The following DCAF6 variants were observed in gnomAD, a reference collection of about 807,000 sequenced individuals.
The protein encoded by DCAF6 is DDB1- and CUL4-associated factor 6.
Under a neutral mutation model 125.1 loss-of-function variants are expected in DCAF6, and 54 were observed. The observed-to-expected ratio is 0.43, with a 90% confidence interval of 0.35 to 0.54. The LOEUF (loss-of-function observed/expected upper bound fraction) is 0.54. Ranked by LOEUF, DCAF6 falls within the 20% of genes least tolerant of loss-of-function variation. The pLI is 0.01. For missense variants in DCAF6, 934 were observed against 1,161.7 expected (o/e 0.80, Z 2.85); for synonymous variants, 371 against 390.4 (o/e 0.95, Z 0.58).
the DCAF6 span, among the ~76,000 whole-genome samples, chr1:167,883,253 G>A: frequency 6.6e-6 from 1 of 152,190 alleles, no homozygotes; most frequent in African/African-American, 2.4e-5. Context: ...GGCCAGTCTG[G>A]TCTTGAACTC....
intron 13 of DCAF6, among the ~76,000 whole-genome samples, chr1:168,040,219 ACT>A: frequency 6.6e-6 from 1 of 152,032 alleles, no homozygotes; most frequent in East Asian, 1.9e-4. Flanking sequence ...CAGTACAAAG[ACT>A]CTGAAGCAGA....
the DCAF6 span, chr1:167,899,404 G>C: frequency 1.2e-6 from 2 of 1,613,244 alleles, no homozygotes. Context: ...CTTTCTGTAA[G>C]TAGCAGCATC....
At chr1:167,893,933 T>C in the DCAF6 span, 6 of 1,613,088 alleles carry the variant, frequency 3.7e-6, no homozygotes, top group Non-Finnish European at 5.1e-6. Flanking sequence ...CATGCAAGCC[T>C]CAGGAGGTCT....
the DCAF6 span, among the ~76,000 whole-genome samples, chr1:167,928,319 GAAAAAA>G: frequency 1.1e-5 from 1 of 91,500 alleles, no homozygotes; most frequent in Non-Finnish European, 2.3e-5. Context: ...CTGCACTCCA[GAAAAAA>G]AAAAAAAAAA....
intron 19 of DCAF6, 130 bp downstream of exon 19, chr1:168,065,876 C>A: frequency 1.3e-6 from 1 of 764,932 alleles, no homozygotes; most frequent in Non-Finnish European, 1.9e-6. Flanking sequence ...GCAGTAGAGT[C>A]AATTACAGCT....
At chr1:167,870,638 CA>C in the DCAF6 span, among the ~76,000 whole-genome samples, 91 of 93,736 alleles carry the variant, frequency 9.7e-4, no homozygotes, top group East Asian at 1.6e-3. Flanking sequence ...ACTGAAAATA[CA>C]AAAAAAAAAA....
intron 12 of DCAF6, among the ~76,000 whole-genome samples, chr1:168,028,111 T>G (rs941521245): frequency 6.6e-6 from 1 of 152,160 alleles, no homozygotes; most frequent in Non-Finnish European, 1.5e-5. Flanking sequence ...TGCATCTTGT[T>G]TAGTTTCAAC....
chr1:167,960,194 T>C (rs1675360697), intron 2 of DCAF6, among the ~76,000 whole-genome samples: 1 of 152,118 alleles, frequency 6.6e-6, no homozygotes, highest in Admixed American at 6.5e-5. Context: ...TGGGTCTGTT[T>C]CTGGGCTCTG....
intron 4 of DCAF6, among the ~76,000 whole-genome samples, chr1:167,978,980 A>G (rs924354076): frequency 3.9e-5 from 6 of 152,108 alleles, no homozygotes; most frequent in South Asian, 2.1e-4. Context: ...AATGTTGTCT[A>G]ATATGTTGGT....
chr1:168,074,083 A>C (rs1311019507), intron 21 of DCAF6, among the ~76,000 whole-genome samples: 1 of 151,698 alleles, frequency 6.6e-6, no homozygotes, highest in Non-Finnish European at 1.5e-5. Flanking sequence ...AAGGTTATAA[A>C]GGTTACACAT....
At chr1:167,932,267 T>C (rs1191497472), upstream of DCAF6, among the ~76,000 whole-genome samples, 1 of 152,124 alleles carries the variant, frequency 6.6e-6, no homozygotes, top group East Asian at 1.9e-4. Context: ...AAATCATTTA[T>C]ATATTTATAA....
At chr1:167,924,602 G>T in the DCAF6 span, 2 of 1,173,678 alleles carry the variant, frequency 1.7e-6, no homozygotes, top group East Asian at 2.7e-5. Context: ...TCTTTTAACA[G>T]CTGTCACCAA....
chr1:167,898,107 T>C, the DCAF6 span, among the ~76,000 whole-genome samples: 1 of 150,678 alleles, frequency 6.6e-6, no homozygotes, highest in Non-Finnish European at 1.5e-5. Context: ...CTGGTGACAT[T>C]CAAATAAGGT....
At position 168,044,728 on chromosome 1, in the gene DCAF6, A is replaced by T. The variant is rs185826072; in HGVS notation, c.1930+57A>T. On this transcript the variant is annotated intron_variant, in intron 15 of 21. Coordinates refer to ENST00000367840, the MANE Select transcript of DCAF6 (RefSeq NM_001198956.2). ...ATGGGAAAATAAAAAGCCTTAATCT[A>T]TGTTAATCTCTCTATAGTTAGAGGC... The T allele has an allele frequency of 7.9e-5, 117 of 1,487,424 alleles. No homozygotes were observed. The African/African-American group carries it at 1.1e-3, about 14-fold the overall frequency. The allele number at this position is 1,487,424 out of a possible 1,614,324, so 92.1% of individuals were successfully genotyped here. A position where few individuals can be genotyped will look rare whatever the true frequency, so the allele number is the denominator to read the frequency against.
chr1:168,033,843 A>C (rs1359835124), intron 12 of DCAF6, among the ~76,000 whole-genome samples: 1 of 152,224 alleles, frequency 6.6e-6, no homozygotes, highest in African/African-American at 2.4e-5. Context: ...AGCAATATAG[A>C]ATCGCTATCT....
the DCAF6 span, among the ~76,000 whole-genome samples, chr1:167,866,476 G>T: frequency 1.4e-5 from 2 of 147,942 alleles, no homozygotes; most frequent in Non-Finnish European, 3.0e-5. Context: ...AAAAACTCAG[G>T]TCGGCCCCAG....
chr1:167,956,299 A>T (rs1229002848), intron 2 of DCAF6, among the ~76,000 whole-genome samples: 17 of 152,128 alleles, frequency 1.1e-4, no homozygotes. Context: ...CTTGTTTAAT[A>T]TGTGTGCTTC....
At chr1:167,869,325 C>T in the DCAF6 span, among the ~76,000 whole-genome samples, 1 of 152,164 alleles carries the variant, frequency 6.6e-6, no homozygotes, top group Admixed American at 6.5e-5. Context: ...CACAAGTGTA[C>T]TATATGAATC....
the DCAF6 span, chr1:167,902,117 T>C: frequency 2.0e-6 from 3 of 1,485,090 alleles, no homozygotes; most frequent in Middle Eastern, 1.8e-4. Context: ...AAAAACATCA[T>C]TCTTTCTTAG....
Sources: allele counts gnomAD v4.1 joint callset (sites outside exome capture counted in the v4.1 genomes callset), GRCh38; gene constraint gnomAD v4.1.1; transcripts MANE v1.5; gene names NCBI Gene and HGNC (gene_info 2026-07-23, HGNC 2026-07-21).